ZNF426: variants seen among roughly 807,000 people sequenced by gnomAD.
The protein encoded by ZNF426 is zinc finger protein 426, also known as CTC-543D15.7.
A neutral mutation model predicts 24.0 loss-of-function variants in ZNF426; 23 were observed. That is an observed-to-expected ratio of 0.96 (90% CI 0.69 to 1.36). ZNF426 has a LOEUF of 1.36. ZNF426 is among the 40% of genes most tolerant of loss of function. ZNF426 has a pLI of 0.00. For missense variants in ZNF426, 646 were observed against 658.4 expected (o/e 0.98, Z 0.21); for synonymous variants, 272 against 224.6 (o/e 1.21, Z -1.89).
chr19:9,532,471 A>AT (rs1464447616), intron 6 of ZNF426, among the ~76,000 whole-genome samples: 1 of 150,722 alleles, frequency 6.6e-6, no homozygotes, highest in African/African-American at 2.4e-5. Context: ...TAATTTTTGT[A>AT]TTTTTTGTAG....
In ZNF426 at chr19:9,528,699, G is replaced by A. The variant is rs561572647; in HGVS notation, c.1346C>T (p.Thr449Ile). 8.1e-6 allele frequency: 13 copies of A among 1,613,550 alleles called. No individual in the cohort carries two copies. In the Admixed American group the frequency reaches 1.5e-4, roughly 19 times the overall value. ...MRTHSAQKPY[T>I]CKECGKAFNY... ...AAAAGCCTTCCCACATTCCTTACAGGTGTATGGTTTCTGGGCACTGTGCGT... is the reference window on the plus strand; with the variant it reads ...AAAAGCCTTCCCACATTCCTTACAGATGTATGGTTTCTGGGCACTGTGCGT... Residue 449 changes from threonine (T) to isoleucine (I), a missense_variant, in exon 8 of 8, where the codon ACC (threonine) becomes ATC (isoleucine). Thr to Ile is a moderately conservative substitution (Grantham distance 89, BLOSUM62 -1). Transcript: ENST00000253115.
Position 9,536,292 on chromosome 19 carries a change from C to A in ZNF426, c.-60G>T. ...CATTGATGTCACCATCACTTCAGGA[C>A]ACCTCATTAATCTAAATGGACAGTG... On this transcript the variant is annotated 5_prime_UTR_variant, in exon 3 of 8. Coordinates refer to ENST00000253115, the MANE Select transcript of ZNF426 (RefSeq NM_024106.3). 1 of 1,614,074 alleles carries A rather than the reference C, an allele frequency of 6.2e-7. No individual in the cohort carries two copies. The highest frequency in any genetic ancestry group is 8.5e-7 in the Non-Finnish European group (1 of 1,179,990).
intron 6 of ZNF426, among the ~76,000 whole-genome samples, chr19:9,532,083 C>T (rs1006998656): frequency 1.4e-4 from 21 of 152,064 alleles, no homozygotes; most frequent in African/African-American, 4.6e-4. Context: ...GAACCCTGTA[C>T]ATACTATGAT....
At chr19:9,532,125 G>A (rs982003621) in intron 6 of ZNF426, among the ~76,000 whole-genome samples, 2 of 152,226 alleles carry the variant, frequency 1.3e-5, no homozygotes, top group Admixed American at 6.5e-5. Context: ...TGACCGCTAC[G>A]TGACTCACAG....
chr19:9,527,109 A>T lies in ZNF426; in HGVS notation c.*1271T>A, dbSNP rs1428524863. ...TATAAGGTACTAACACTACTCAAGA[A>T]ACGGTACAGTATTATCAGAATTCAT... is the stretch of plus-strand genomic sequence containing the variant. On this transcript the variant is annotated 3_prime_UTR_variant, in exon 8 of 8. Transcript: ENST00000253115. 6.6e-6 allele frequency: 1 copy of T among 152,216 alleles called. No individual in the cohort carries two copies. The highest frequency in any genetic ancestry group is 1.5e-5 in the Non-Finnish European group (1 of 68,042). 9.4% of individuals were successfully genotyped at this position (152,216 alleles called of 1,614,324 possible). A position where few individuals can be genotyped will look rare whatever the true frequency, so the allele number is the denominator to read the frequency against.
intron 4 of ZNF426, 27 bp downstream of exon 4, chr19:9,535,161 A>T: frequency 4.5e-6 from 7 of 1,572,680 alleles, no homozygotes; most frequent in Non-Finnish European, 6.1e-6. Context: ...GTATGTCACT[A>T]TGTATAAGAA....
chr19:9,533,666 A>G (rs2073921683), intron 5 of ZNF426, among the ~76,000 whole-genome samples, 174 bp downstream of exon 5: 1 of 152,214 alleles, frequency 6.6e-6, no homozygotes, highest in Non-Finnish European at 1.5e-5. Flanking sequence ...TGTTGCTATT[A>G]ATCTTGGACC....
Position 9,529,285 on chromosome 19 carries a change from A to G in ZNF426, c.760T>C (p.Trp254Arg), listed in dbSNP as rs200860031. ...ATAAAACCTGGCCCATAATTCCTCC[A>G]TTCGTAGAGTTTTTCTCCATTGTGA... ...RTHNGEKLYE[W>R]RNYGPGFIDS... The change falls in exon 8 of 8, where the codon TGG becomes CGG. Residue 254 changes from tryptophan (W) to arginine (R), a missense_variant. Transcript: ENST00000253115. The G allele has an allele frequency of 3.7e-6, 6 of 1,613,876 alleles. No individual in the cohort carries two copies. The highest frequency in any genetic ancestry group is 5.1e-6 in the Non-Finnish European group (6 of 1,179,942).
In ZNF426 at chr19:9,523,581, A is replaced by C. The variant is rs2073763359; in HGVS notation, c.*4799T>G. 1 of 152,176 alleles carries C rather than the reference A, an allele frequency of 6.6e-6. No homozygotes were observed. The highest frequency in any genetic ancestry group is 2.4e-5 in the African/African-American group (1 of 41,444). The allele number at this position is 152,176 out of a possible 1,614,324, so 9.4% of individuals were successfully genotyped here. A position where few individuals can be genotyped will look rare whatever the true frequency, so the allele number is the denominator to read the frequency against. On this transcript the variant is annotated 3_prime_UTR_variant, in exon 8 of 8. Coordinates refer to ENST00000253115, the MANE Select transcript of ZNF426 (RefSeq NM_024106.3). ...AATGAGTGGATGGGACATGTGACAT[A>C]ATCTAAATCAGTGGTCCCCTAACTT...
In ZNF426 at chr19:9,523,953, T is replaced by C. The variant is rs1299541354; in HGVS notation, c.*4427A>G. On this transcript the variant is annotated 3_prime_UTR_variant, in exon 8 of 8. Coordinates refer to ENST00000253115, the MANE Select transcript of ZNF426 (RefSeq NM_024106.3). Reference sequence around the variant, plus strand: ...CCACTTATTATAGTCATCAAGTTATTCTCCAGCATACATTGCATATGAATA... The same window carrying C: ...CCACTTATTATAGTCATCAAGTTATCCTCCAGCATACATTGCATATGAATA... 1 of 152,216 alleles carries C rather than the reference T, an allele frequency of 6.6e-6. No individual in the cohort carries two copies. The highest frequency in any genetic ancestry group is 2.4e-5 in the African/African-American group (1 of 41,446). The allele number at this position is 152,216 out of a possible 1,614,324, so 9.4% of individuals were successfully genotyped here. A position where few individuals can be genotyped will look rare whatever the true frequency, so the allele number is the denominator to read the frequency against.
At chr19:9,534,211 CTCTT>C (rs889736361) in intron 4 of ZNF426, among the ~76,000 whole-genome samples, 4 of 152,022 alleles carry the variant, frequency 2.6e-5, no homozygotes, top group East Asian at 1.9e-4. Flanking sequence ...ACTAGGAGAT[CTCTT>C]TTTTTTTTGA....
In ZNF426 at chr19:9,527,555, C is replaced by A. The variant is rs909275395; in HGVS notation, c.*825G>T. ...ATACAATTTCTCTCCTATGTGATTT[C>A]TCCTGTATGTAGAAAGGACTGAAGA... On this transcript the variant is annotated 3_prime_UTR_variant, in exon 8 of 8. Coordinates refer to ENST00000253115, the MANE Select transcript of ZNF426 (RefSeq NM_024106.3). The A allele has an allele frequency of 1.3e-5, 2 of 152,212 alleles. No individual in the cohort carries two copies. Among genetic ancestry groups the A allele is most frequent in the Non-Finnish European group, 2.9e-5 (2 of 68,048 alleles). 9.4% of individuals were successfully genotyped at this position (152,212 alleles called of 1,614,324 possible). A position where few individuals can be genotyped will look rare whatever the true frequency, so the allele number is the denominator to read the frequency against.
rs1400792440 is a variant in ZNF426 at position 9,525,176 on chromosome 19, G to A, written c.*3204C>T. On this transcript the variant is annotated 3_prime_UTR_variant, in exon 8 of 8. Coordinates refer to ENST00000253115, the MANE Select transcript of ZNF426 (RefSeq NM_024106.3). ...AGGCAGGAGAATGGCGTGAACCCGGGAGGCGGAGCTTGCAGTGAGCCGAGA... is the reference window on the plus strand; with the variant it reads ...AGGCAGGAGAATGGCGTGAACCCGGAAGGCGGAGCTTGCAGTGAGCCGAGA... The A allele has an allele frequency of 3.3e-5, 5 of 151,418 alleles. No homozygotes were observed. Among genetic ancestry groups the A allele is most frequent in the African/African-American group, 4.9e-5 (2 of 41,180 alleles). 9.4% of individuals were successfully genotyped at this position (151,418 alleles called of 1,614,324 possible).
At chr19:9,533,764 T>C in intron 5 of ZNF426, 76 bp downstream of exon 5, 8 of 1,587,438 alleles carry the variant, frequency 5.0e-6, no homozygotes, top group Non-Finnish European at 6.0e-6. Context: ...AGAGTTGACA[T>C]TGCCAATGCT....
At chr19:9,538,385 T>C (rs1333564199) in intron 1 of ZNF426, 40 bp from the exon 2 acceptor site, 2 of 152,082 alleles carry the variant, frequency 1.3e-5, no homozygotes, top group Non-Finnish European at 2.9e-5. Context: ...TTGGAGGCCT[T>C]TGGAGAGGGG....
Position 9,529,292 on chromosome 19 carries a change from G to A in ZNF426, c.753C>T (p.Leu251=). Residue 251 remains leucine, a synonymous_variant, in exon 8 of 8, where the codon CTC becomes CTT. Coordinates refer to ENST00000253115, the MANE Select transcript of ZNF426 (RefSeq NM_024106.3). The part of the protein sequence containing the change: ...AHMRTHNGEK[L]YEWRNYGPGF... ...CTGGCCCATAATTCCTCCATTCGTA[G>A]AGTTTTTCTCCATTGTGAGTTCTCA... 6.2e-7 allele frequency: 1 copy of A among 1,613,890 alleles called. No homozygotes were observed. The highest frequency in any genetic ancestry group is 8.5e-7 in the Non-Finnish European group (1 of 1,179,962).
chr19:9,531,924 G>T (rs1215060075), intron 6 of ZNF426, among the ~76,000 whole-genome samples: 1 of 152,206 alleles, frequency 6.6e-6, no homozygotes, highest in African/African-American at 2.4e-5. Flanking sequence ...GGTGGAGCTT[G>T]CAGTGAGCTG....
chr19:9,523,447 G>A lies in ZNF426; in HGVS notation c.*4933C>T, dbSNP rs2073762074. The A allele has an allele frequency of 6.6e-6, 1 of 152,144 alleles. No individual in the cohort carries two copies. The highest frequency in any genetic ancestry group is 6.5e-5 in the Admixed American group (1 of 15,280). 9.4% of individuals were successfully genotyped at this position (152,144 alleles called of 1,614,324 possible). On this transcript the variant is annotated 3_prime_UTR_variant, in exon 8 of 8. Coordinates refer to ENST00000253115, the MANE Select transcript of ZNF426 (RefSeq NM_024106.3). ...TTCTTATAAGGAAACCAGTCATATT[G>A]AATGAGGGCCCCATTCTAACTGCCT...
Position 9,529,211 on chromosome 19 carries a change from C to T in ZNF426, c.834G>A (p.Lys278=), listed in dbSNP as rs778719532. Residue 278 remains lysine, a synonymous_variant, in exon 8 of 8, where the codon AAG becomes AAA. Transcript: ENST00000253115. ...SVLIETLNAK[K]PYKCKECGKG... ...TTCCACATTCCTTACATTTGTAGGGCTTTTTTGCATTGAGGGTTTCTATAA... is the reference window on the plus strand; with the variant it reads ...TTCCACATTCCTTACATTTGTAGGGTTTTTTTGCATTGAGGGTTTCTATAA... 14 of 1,613,948 alleles carry T rather than the reference C, an allele frequency of 8.7e-6. No homozygotes were observed. In the Admixed American group the frequency reaches 2.0e-4, roughly 23 times the overall value.
Sources: allele counts gnomAD v4.1 joint callset (sites outside exome capture counted in the v4.1 genomes callset), GRCh38; gene constraint gnomAD v4.1.1; transcripts MANE v1.5; gene names NCBI Gene and HGNC (gene_info 2026-07-23, HGNC 2026-07-21).